ARL15: variants seen among roughly 807,000 people sequenced by gnomAD.
ARL15 encodes ARF like GTPase 15, also known as ADP-ribosylation factor-like protein 15.
ARL15 carries 19 observed loss-of-function variants against 25.2 expected under a neutral mutation model. The ratio of observed to expected loss-of-function variants is 0.75; its 90% CI spans 0.53 to 1.10. The LOEUF (loss-of-function observed/expected upper bound fraction) is 1.10, where lower values mean the gene tolerates loss of function less well. Among genes scored for constraint, ARL15 ranks in the 50% least tolerant of loss-of-function variants. ARL15 has a pLI of 0.00. For synonymous variants in ARL15, 94 were observed against 86.8 expected (o/e 1.08, Z -0.46); for missense variants, 220 against 246.0 (o/e 0.89, Z 0.71).
At chr5:54,223,880 G>C (rs1756445047) in intron 1 of ARL15, among the ~76,000 whole-genome samples, 1 of 152,128 alleles carries the variant, frequency 6.6e-6, no homozygotes, top group Non-Finnish European at 1.5e-5. Context: ...TCCTTGACTT[G>C]AGTACTGGAG....
intron 4 of ARL15, among the ~76,000 whole-genome samples, chr5:53,982,490 C>T (rs958429033): frequency 6.6e-6 from 1 of 152,108 alleles, no homozygotes; most frequent in Non-Finnish European, 1.5e-5. Context: ...CCAGCTTCAT[C>T]CATGTCCCTG....
chr5:54,166,736 C>T (rs1414803290), intron 2 of ARL15, among the ~76,000 whole-genome samples: 1 of 152,026 alleles, frequency 6.6e-6, no homozygotes, highest in Admixed American at 6.6e-5. Flanking sequence ...AGATACAATA[C>T]AGTGATAATA....
intron 4 of ARL15, among the ~76,000 whole-genome samples, chr5:54,103,246 A>G (rs1201740144): frequency 6.6e-6 from 1 of 152,170 alleles, no homozygotes; most frequent in Non-Finnish European, 1.5e-5. Flanking sequence ...CCACTTCACT[A>G]TTAGATACTG....
chr5:54,298,705 C>T (rs1265233424), intron 1 of ARL15, among the ~76,000 whole-genome samples: 1 of 152,092 alleles, frequency 6.6e-6, no homozygotes, highest in Non-Finnish European at 1.5e-5. Context: ...TCACCACTGA[C>T]ACGAATTCAG....
chr5:53,975,591 C>T (rs1006716083), intron 4 of ARL15, among the ~76,000 whole-genome samples: 1 of 152,200 alleles, frequency 6.6e-6, no homozygotes, highest in Admixed American at 6.5e-5. Flanking sequence ...TACTTGCTGG[C>T]TTTATTTGAC....
chr5:54,077,387 A>G (rs1251356631), intron 4 of ARL15, among the ~76,000 whole-genome samples: 2 of 152,212 alleles, frequency 1.3e-5, no homozygotes, highest in African/African-American at 4.8e-5. Context: ...GAGATTAATC[A>G]CTAGAGAGAT....
chr5:54,210,049 C>T (rs931952300), intron 1 of ARL15, among the ~76,000 whole-genome samples: 1 of 152,070 alleles, frequency 6.6e-6, no homozygotes, highest in Admixed American at 6.6e-5. Context: ...TCTTTGTGTC[C>T]TAATATTTGG....
At chr5:53,997,063 A>G (rs1358046897) in intron 4 of ARL15, among the ~76,000 whole-genome samples, 4 of 152,210 alleles carry the variant, frequency 2.6e-5, no homozygotes, top group Admixed American at 6.5e-5. Flanking sequence ...TAGGGTGAAG[A>G]ATACATTTCT....
chr5:54,083,049 G>A (rs1751855016), intron 4 of ARL15, among the ~76,000 whole-genome samples: 1 of 152,142 alleles, frequency 6.6e-6, no homozygotes. Context: ...AAATATGTAA[G>A]CAAATGTGGT....
chr5:54,181,607 A>G (rs1310561738), intron 1 of ARL15, among the ~76,000 whole-genome samples: 3 of 152,220 alleles, frequency 2.0e-5, no homozygotes, highest in Non-Finnish European at 4.4e-5. Context: ...TATTTTAAAG[A>G]CTTAAGAAGG....
chr5:54,281,051 A>G, intron 1 of ARL15, among the ~76,000 whole-genome samples: 1 of 152,332 alleles, frequency 6.6e-6, no homozygotes, highest in South Asian at 2.1e-4. Context: ...TACATACAAA[A>G]AGTATATAAA....
At chr5:53,960,257 G>A (rs1747318017) in intron 4 of ARL15, among the ~76,000 whole-genome samples, 1 of 152,112 alleles carries the variant, frequency 6.6e-6, no homozygotes, top group African/African-American at 2.4e-5. Context: ...ATTTCCTGGT[G>A]CATATTCTAA....
chr5:53,919,457 T>C (rs1049699805), intron 4 of ARL15, among the ~76,000 whole-genome samples: 2 of 152,140 alleles, frequency 1.3e-5, no homozygotes, highest in African/African-American at 4.8e-5. Flanking sequence ...GCAGTAGAAA[T>C]ACATTTACCT....
chr5:54,045,586 A>C (rs1231957528), intron 4 of ARL15, among the ~76,000 whole-genome samples: 3 of 143,316 alleles, frequency 2.1e-5, no homozygotes, highest in African/African-American at 8.2e-5. Flanking sequence ...AACAAGTTAG[A>C]AATCAAGAAG....
At chr5:54,104,728 T>C (rs992319859) in intron 4 of ARL15, among the ~76,000 whole-genome samples, 3 of 152,158 alleles carry the variant, frequency 2.0e-5, no homozygotes, top group Non-Finnish European at 4.4e-5. Flanking sequence ...GGCTATGTTT[T>C]CAGAACCTTT....
At chr5:54,101,108 C>T (rs702628) in intron 4 of ARL15, among the ~76,000 whole-genome samples, 112,797 of 151,898 alleles carry the variant, frequency 0.74, 42,329 homozygotes, top group East Asian at 0.98. Context: ...CAATTCTTTA[C>T]AAATGTATGC....
chr5:54,008,168 T>C (rs1311207029), intron 4 of ARL15, among the ~76,000 whole-genome samples: 2 of 152,184 alleles, frequency 1.3e-5, no homozygotes, highest in Admixed American at 1.3e-4. Context: ...CCTCTGGGCA[T>C]ATATATGAAA....
chr5:53,946,717 A>G (rs951319586), intron 4 of ARL15, among the ~76,000 whole-genome samples: 3 of 152,106 alleles, frequency 2.0e-5, no homozygotes, highest in African/African-American at 4.8e-5. Flanking sequence ...ACAGCCCCCA[A>G]TTTGGGGAAA....
intron 4 of ARL15, among the ~76,000 whole-genome samples, chr5:53,920,651 T>TAATA (rs377705778): frequency 0.58 from 81,998 of 140,922 alleles, 24,007 homozygotes; most frequent in Middle Eastern, 0.66. Context: ...TATTAAAAAA[T>TAATA]AATAAATAAA....
Sources: gnomAD v4.1 joint callset for allele counts (sites outside exome capture counted in the v4.1 genomes callset) on GRCh38, gnomAD v4.1.1 for gene constraint, MANE v1.5 for transcripts, NCBI Gene and HGNC (gene_info 2026-07-23, HGNC 2026-07-21) for gene names.